Variants in UPF2 observed in about 807,000 individuals in gnomAD.
The protein encoded by UPF2 is UPF2 regulator of nonsense mediated mRNA decay, also known as regulator of nonsense transcripts 2.
A neutral mutation model predicts 141.4 loss-of-function variants in UPF2; 17 were observed. That is an observed-to-expected ratio of 0.12 (90% CI 0.08 to 0.18). The LOEUF (loss-of-function observed/expected upper bound fraction) is 0.18. Among genes scored for constraint, UPF2 ranks in the 10% least tolerant of loss-of-function variants. UPF2 has a pLI of 1.00. For synonymous variants in UPF2, 540 were observed against 498.0 expected (o/e 1.08, Z -1.12); for missense variants, 1,152 against 1,515.9 (o/e 0.76, Z 3.99).
At chr10:11,929,697 G>A (rs772760436) in intron 21 of UPF2, among the ~76,000 whole-genome samples, 168 bp downstream of exon 21, 2 of 152,132 alleles carry the variant, frequency 1.3e-5, no homozygotes, top group African/African-American at 4.8e-5. Context: ...TATAAAGCAG[G>A]TTTTTCCCCC....
intron 18 of UPF2, among the ~76,000 whole-genome samples, chr10:11,937,253 A>G (rs11257437): frequency 0.14 from 21,775 of 152,242 alleles, 1,620 homozygotes; most frequent in South Asian, 0.26. Flanking sequence ...CCAACCAATT[A>G]ATTAAATGAA....
intron 8 of UPF2, among the ~76,000 whole-genome samples, chr10:11,983,330 C>G: frequency 6.6e-6 from 1 of 152,090 alleles, no homozygotes. Context: ...TTAGAGTATC[C>G]TTCCATTCCT....
intron 9 of UPF2, among the ~76,000 whole-genome samples, chr10:11,977,386 T>C (rs541699734): frequency 1.1e-4 from 17 of 152,252 alleles, no homozygotes; most frequent in African/African-American, 2.6e-4. Flanking sequence ...AGAGCACTGG[T>C]TCCCAAAGTA....
At chr10:11,927,520 C>T (rs567860560) in intron 21 of UPF2, among the ~76,000 whole-genome samples, 2 of 152,260 alleles carry the variant, frequency 1.3e-5, no homozygotes, top group Admixed American at 1.3e-4. Context: ...ATATTTAAAG[C>T]TACTCTAAGA....
chr10:11,960,775 TA>T (rs546012582), intron 11 of UPF2, among the ~76,000 whole-genome samples: 109 of 131,400 alleles, frequency 8.3e-4, no homozygotes, highest in Admixed American at 8.4e-4. Flanking sequence ...TATCTCTTAA[TA>T]AAAAAAAAAA....
intron 21 of UPF2, chr10:11,928,826 T>C (rs997043226): frequency 1.1e-5 from 2 of 187,284 alleles, no homozygotes. Flanking sequence ...TAAGTGGAAC[T>C]GGTAGGAATT....
At chr10:11,969,861 G>C (rs1036760468) in intron 9 of UPF2, among the ~76,000 whole-genome samples, 1 of 152,110 alleles carries the variant, frequency 6.6e-6, no homozygotes, top group Non-Finnish European at 1.5e-5. Context: ...TCTTAAATAA[G>C]ATAATACTTG....
Position 11,959,842 on chromosome 10 carries a change from T to G in UPF2, c.2185-486A>C, listed in dbSNP as rs914934886. Among the ~76,000 whole-genome samples the G allele has an allele frequency of 9.0e-4, 137 of 152,328 alleles. No individual in the cohort carries two copies. Among genetic ancestry groups the G allele is most frequent in the African/African-American group, 3.2e-3 (132 of 41,568 alleles). On this transcript the variant is annotated intron_variant, in intron 11 of 21. Transcript: ENST00000357604. This position sits in a 1 kb window ranked among gnomAD's most constrained non-coding sequence, Gnocchi z 5.9. Reference sequence around the variant, plus strand: ...AGGCATATCAAAGAGCATGTAAGCATACTAACTGTTATACTACTTATCATT... The same window carrying G: ...AGGCATATCAAAGAGCATGTAAGCAGACTAACTGTTATACTACTTATCATT...
chr10:11,957,428 C>CAAACAA (rs528555982), intron 12 of UPF2, among the ~76,000 whole-genome samples: 3 of 151,734 alleles, frequency 2.0e-5, no homozygotes, highest in Non-Finnish European at 4.4e-5. Flanking sequence ...GACTCCATCT[C>CAAACAA]AAACAAAAAC....
At chr10:11,961,468 G>A (rs1833239705) in intron 11 of UPF2, among the ~76,000 whole-genome samples, 1 of 151,952 alleles carries the variant, frequency 6.6e-6, no homozygotes, top group African/African-American at 2.4e-5. Context: ...GGCACGAACA[G>A]AAGGCCAGTG....
chr10:11,971,519 T>C (rs1050716002), intron 9 of UPF2, among the ~76,000 whole-genome samples: 1 of 152,190 alleles, frequency 6.6e-6, no homozygotes, highest in African/African-American at 2.4e-5. Flanking sequence ...CCCAAAGTGC[T>C]GGGATTACAG....
At chr10:12,033,906 G>C (rs1588581695) in intron 2 of UPF2, among the ~76,000 whole-genome samples, 2 of 152,140 alleles carry the variant, frequency 1.3e-5, no homozygotes, top group East Asian at 3.9e-4. Context: ...CACTGCTGAT[G>C]CATCTCTGGT....
Position 11,956,258 on chromosome 10 carries a change from C to A in UPF2, c.2574+62G>T. Reference sequence around the variant, plus strand: ...CCTATAACTTGAGTCTCAATAGTAACCTAGAAATAATAAATTCTCCACGAA... The same window carrying A: ...CCTATAACTTGAGTCTCAATAGTAAACTAGAAATAATAAATTCTCCACGAA... On this transcript the variant is annotated intron_variant, in intron 13 of 21. Transcript: ENST00000357604. The surrounding 1 kb of genome is among the most constrained non-coding windows in gnomAD (Gnocchi z 4.2). 2.0e-6 allele frequency: 3 copies of A among 1,485,212 alleles called. No homozygotes were observed. The highest frequency in any genetic ancestry group is 2.8e-6 in the Non-Finnish European group (3 of 1,066,024). 92.0% of individuals were successfully genotyped at this position (1,485,212 alleles called of 1,614,324 possible). A position where few individuals can be genotyped will look rare whatever the true frequency, so the allele number is the denominator to read the frequency against.
intron 8 of UPF2, among the ~76,000 whole-genome samples, chr10:11,986,689 A>G (rs1007347143): frequency 2.6e-5 from 4 of 152,332 alleles, no homozygotes; most frequent in Admixed American, 1.3e-4. Context: ...AAAAAATGAA[A>G]TATAATAAGC....
chr10:12,001,968 T>A, intron 5 of UPF2, 143 bp from the exon 6 acceptor site: 1 of 755,578 alleles, frequency 1.3e-6, no homozygotes, highest in Non-Finnish European at 2.0e-6. Context: ...ATATTTAGAT[T>A]TTATAAAACA....
intron 4 of UPF2, among the ~76,000 whole-genome samples, chr10:12,013,770 A>C (rs1202002112): frequency 6.6e-6 from 1 of 152,086 alleles, no homozygotes; most frequent in African/African-American, 2.4e-5. Flanking sequence ...ATTTAAGAAA[A>C]GTTTTTTTTA....
At position 12,029,500 on chromosome 10, in the gene UPF2, A is replaced by C. The variant is rs772239077; in HGVS notation, c.390T>G (p.Leu130=). 3.8e-6 allele frequency: 6 copies of C among 1,594,180 alleles called. No homozygotes were observed. The South Asian group carries it at 4.6e-5, about 12-fold the overall frequency. ...QMKEKEESIQ[L]HQEAWERHHL... Reference sequence around the variant, plus strand: ...GATGTCGTTCCCAAGCTTCCTGATGAAGCTGAATGGATTCTTCTTTTTCTC... The same window carrying C: ...GATGTCGTTCCCAAGCTTCCTGATGCAGCTGAATGGATTCTTCTTTTTCTC... The change falls in exon 3 of 22, where the codon CTT becomes CTG. Residue 130 remains leucine, a synonymous_variant. Transcript: ENST00000357604.
At chr10:11,970,798 T>A (rs544921263) in intron 9 of UPF2, among the ~76,000 whole-genome samples, 2 of 151,868 alleles carry the variant, frequency 1.3e-5, no homozygotes, top group South Asian at 4.2e-4. Flanking sequence ...GGCGACAGAG[T>A]GAGACTCTAA....
chr10:12,017,132 G>A (rs942123316), intron 3 of UPF2, among the ~76,000 whole-genome samples: 8 of 151,472 alleles, frequency 5.3e-5, no homozygotes, highest in Admixed American at 3.3e-4. Flanking sequence ...AACAAAAACC[G>A]AAGAGTTTAT....
Sources: gnomAD v4.1 joint callset for allele counts (sites outside exome capture counted in the v4.1 genomes callset) on GRCh38, gnomAD v4.1.1 for gene constraint, Gnocchi (gnomAD v3.1) non-coding constraint, MANE v1.5 for transcripts, NCBI Gene and HGNC (gene_info 2026-07-23, HGNC 2026-07-21) for gene names.